MAP3K8: variants seen among roughly 807,000 people sequenced by gnomAD.
MAP3K8 encodes the protein mitogen-activated protein kinase kinase kinase 8.
In MAP3K8, 22 loss-of-function variants were observed where a neutral mutation model predicts 45.8. That is an observed-to-expected ratio of 0.48 (90% CI 0.34 to 0.69). The LOEUF (loss-of-function observed/expected upper bound fraction) is 0.69. MAP3K8 is among the 30% of genes least tolerant of loss of function. The probability of loss-of-function intolerance (pLI) is 0.01; values close to 1 mark genes in which losing one functional copy is unlikely to be tolerated. For synonymous variants in MAP3K8, 223 were observed against 214.3 expected (o/e 1.04, Z -0.36); for missense variants, 419 against 585.0 (o/e 0.72, Z 2.93).
intron 6 of MAP3K8, among the ~76,000 whole-genome samples, chr10:30,452,894 G>A (rs562881527): frequency 6.6e-6 from 1 of 151,498 alleles, no homozygotes; most frequent in South Asian, 2.1e-4. Context: ...GGCCAGGCTG[G>A]TCATGAACTG....
At position 30,442,131 on chromosome 10, in the gene MAP3K8, G is replaced by C. The variant is rs140531822; in HGVS notation, c.336+2857G>C. ...CGGGTGCTAGAGATAGTATGGAACA[G>C]TCTGTGCCTCTGGGAGCTTGCTGCC... On this transcript the variant is annotated intron_variant, in intron 3 of 8. Coordinates refer to ENST00000263056, the MANE Select transcript of MAP3K8 (RefSeq NM_005204.4). Among the ~76,000 whole-genome samples the C allele has an allele frequency of 6.2e-3, 940 of 152,360 alleles. 6 individuals carry two copies. The highest frequency in any genetic ancestry group is 8.3e-3 in the Non-Finnish European group (567 of 68,026).
At chr10:30,453,541 A>G (rs8177014) in intron 6 of MAP3K8, among the ~76,000 whole-genome samples, 1 of 152,178 alleles carries the variant, frequency 6.6e-6, no homozygotes, top group Non-Finnish European at 1.5e-5. Flanking sequence ...TGTATTTAAC[A>G]TTCACATCAT....
At chr10:30,435,304 G>A (rs1835876365) in intron 1 of MAP3K8, among the ~76,000 whole-genome samples, 1 of 152,136 alleles carries the variant, frequency 6.6e-6, no homozygotes, top group Admixed American at 6.5e-5. Flanking sequence ...TCCAGCTGAC[G>A]CCCCCAGCTC....
chr10:30,434,356 G>A lies in MAP3K8; in HGVS notation c.-277G>A, dbSNP rs1004478457. ...GGGCCGCGGCTGGAGCGCTCGGCCG[G>A]CGTGGGAGCGCCAAGGCCGCAGGTA... On this transcript the variant is annotated 5_prime_UTR_variant, in exon 1 of 9. Transcript: ENST00000263056. 2.7e-6 allele frequency: 2 copies of A among 741,428 alleles called. No homozygotes were observed. Among genetic ancestry groups the A allele is most frequent in the African/African-American group, 3.8e-5 (2 of 52,624 alleles). The allele number at this position is 741,428 out of a possible 1,614,324, so 45.9% of individuals were successfully genotyped here.
intron 4 of MAP3K8, among the ~76,000 whole-genome samples, chr10:30,448,188 T>G (rs1275299854): frequency 6.6e-6 from 1 of 152,064 alleles, no homozygotes; most frequent in Non-Finnish European, 1.5e-5. Context: ...TAAGTGCTGG[T>G]TTTTAAAGCA....
rs1298037607 is a variant in MAP3K8 at position 30,458,250 on chromosome 10, A to T, written c.1026+14A>T. On this transcript the variant is annotated intron_variant, in intron 7 of 8. Transcript: ENST00000263056. Reference sequence around the variant, plus strand: ...TACCTGTACATAGTAAGTGGGGTTCAACCAGGGCTGGGGGCGGCGGGGGGG... The same window carrying T: ...TACCTGTACATAGTAAGTGGGGTTCTACCAGGGCTGGGGGCGGCGGGGGGG... 8.2e-6 allele frequency: 6 copies of T among 728,636 alleles called. No individual in the cohort carries two copies. Among genetic ancestry groups the T allele is most frequent in the South Asian group, 7.1e-5 (4 of 56,502 alleles). 45.1% of individuals were successfully genotyped at this position (728,636 alleles called of 1,614,324 possible). A position where few individuals can be genotyped will look rare whatever the true frequency, so the allele number is the denominator to read the frequency against.
At chr10:30,436,698 TAA>T (rs1205873521) in intron 1 of MAP3K8, among the ~76,000 whole-genome samples, 15 of 141,862 alleles carry the variant, frequency 1.1e-4, no homozygotes, top group Admixed American at 3.5e-4. Context: ...ACTACTACTA[TAA>T]AAAAAAAAAA....
Position 30,434,353 on chromosome 10 carries a change from C to A in MAP3K8, c.-280C>A. The A allele has an allele frequency of 2.8e-6, 2 of 723,414 alleles. No individual in the cohort carries two copies. Among genetic ancestry groups the A allele is most frequent in the South Asian group, 6.2e-5 (1 of 16,200 alleles). 44.8% of individuals were successfully genotyped at this position (723,414 alleles called of 1,614,324 possible). ...GGGGGGCCGCGGCTGGAGCGCTCGG[C>A]CGGCGTGGGAGCGCCAAGGCCGCAG... On this transcript the variant is annotated 5_prime_UTR_variant, in exon 1 of 9. Coordinates refer to ENST00000263056, the MANE Select transcript of MAP3K8 (RefSeq NM_005204.4).
rs758755281 is a variant in MAP3K8, at chr10:30,458,276, G to T, written c.1026+40G>T. 2.9e-6 allele frequency: 4 copies of T among 1,358,804 alleles called. 1 individual carries two copies. Among genetic ancestry groups the T allele is most frequent in the Non-Finnish European group, 3.9e-6 (4 of 1,022,268 alleles). The allele number at this position is 1,358,804 out of a possible 1,614,324, so 84.2% of individuals were successfully genotyped here. ...ACCAGGGCTGGGGGCGGCGGGGGGG[G>T]GCGTTGAGTTATGCATCCCGCAGGC... On this transcript the variant is annotated intron_variant, in intron 7 of 8. Transcript: ENST00000263056.
intron 7 of MAP3K8, 32 bp downstream of exon 7, chr10:30,458,268 C>CGGGGGGGGGG: frequency 1.1e-5 from 5 of 439,400 alleles, no homozygotes; most frequent in African/African-American, 2.3e-5. Flanking sequence ...CTGGGGGCGG[C>CGGGGGGGGGG]GGGGGGGGGC....
chr10:30,455,520 A>G (rs1016137396), intron 6 of MAP3K8, among the ~76,000 whole-genome samples: 9 of 152,214 alleles, frequency 5.9e-5, no homozygotes, highest in Non-Finnish European at 1.0e-4. Context: ...TCCAGCATAT[A>G]CAGAATAGAC....
chr10:30,460,924 A>C lies in MAP3K8; in HGVS notation c.*88A>C. On this transcript the variant is annotated 3_prime_UTR_variant, in exon 9 of 9. Coordinates refer to ENST00000263056, the MANE Select transcript of MAP3K8 (RefSeq NM_005204.4). ...TCTACACAGGGGCCCTGTACAGTGA[A>C]TGGTGCCATTTTCGAAGGAGCAGTG... 4.7e-6 allele frequency: 7 copies of C among 1,499,068 alleles called. No individual in the cohort carries two copies. The highest frequency in any genetic ancestry group is 6.3e-6 in the Non-Finnish European group (7 of 1,119,722). The allele number at this position is 1,499,068 out of a possible 1,614,324, so 92.9% of individuals were successfully genotyped here.
intron 6 of MAP3K8, among the ~76,000 whole-genome samples, chr10:30,453,277 T>C (rs1836613599): frequency 2.0e-5 from 3 of 152,126 alleles, no homozygotes; most frequent in Admixed American, 2.0e-4. Context: ...GTGATATAAC[T>C]AATATCACTG....
chr10:30,436,870 ACCC>A (rs1000244406), intron 1 of MAP3K8, among the ~76,000 whole-genome samples: 2 of 151,252 alleles, frequency 1.3e-5, no homozygotes, highest in African/African-American at 4.9e-5. Context: ...GATCCTTTCA[ACCC>A]CTGAGGCCCT....
At chr10:30,448,652 C>T (rs1213992064) in intron 4 of MAP3K8, among the ~76,000 whole-genome samples, 4 of 151,958 alleles carry the variant, frequency 2.6e-5, no homozygotes, top group Non-Finnish European at 4.4e-5. Context: ...AGGCTGGTCT[C>T]GAACTCCTGA....
At position 30,460,720 on chromosome 10, in the gene MAP3K8, G is replaced by T; in HGVS notation, c.1288G>T (p.Gly430Ter). Residue 430 changes from glycine to a stop codon, truncating the protein, a stop_gained, in exon 9 of 9, where the codon GGA becomes TGA. Coordinates refer to ENST00000263056, the MANE Select transcript of MAP3K8 (RefSeq NM_005204.4). LOFTEE classifies it high-confidence loss of function. The part of the protein sequence containing the change: ...PENIADSSCT[G>*]STEESEMLKR... ...TTCCTTTTCAGATTCTTCGTGCACA[G>T]GAAGCACCGAGGAATCTGAGATGCT... 1 of 1,609,768 alleles carries T rather than the reference G, an allele frequency of 6.2e-7. No individual in the cohort carries two copies.
rs8177010 is a variant in MAP3K8 at position 30,451,318 on chromosome 10, G to A, written c.767-320G>A. Among the ~76,000 whole-genome samples the A allele has an allele frequency of 9.6e-3, 1,458 of 152,112 alleles. 25 individuals carry two copies. Among genetic ancestry groups the A allele is most frequent in the African/African-American group, 0.033 (1,374 of 41,496 alleles). On this transcript the variant is annotated intron_variant, in intron 5 of 8. Coordinates refer to ENST00000263056, the MANE Select transcript of MAP3K8 (RefSeq NM_005204.4). ...ACAACTTTCACTGGGAAAAAAGATG[G>A]GTATTTTACTTTTCTGTTTTAGAAA...
chr10:30,445,596 G>A (rs1836295309), intron 3 of MAP3K8, among the ~76,000 whole-genome samples: 1 of 152,076 alleles, frequency 6.6e-6, no homozygotes, highest in South Asian at 2.1e-4. Context: ...TGTGAGTAGG[G>A]TTCTGTCTAA....
At position 30,447,809 on chromosome 10, in the gene MAP3K8, CA is replaced by C; in HGVS notation, c.367del (p.Ile123Ter). 6.2e-7 allele frequency: 1 copy of C among 1,613,622 alleles called. No individual in the cohort carries two copies. The highest frequency in any genetic ancestry group is 8.5e-7 in the Non-Finnish European group (1 of 1,179,832). On this transcript the variant is annotated frameshift_variant, in exon 4 of 9. Coordinates refer to ENST00000263056, the MANE Select transcript of MAP3K8 (RefSeq NM_005204.4). LOFTEE classifies it high-confidence loss of function. Reference protein sequence around the residue: ...MVITPQNGRYQIDSDVLLIPW... With the variant: ...MVITPQNGRYXIDSDVLLIPW... ...CATCACTCCCCAAAATGGACGTTAC[CA>C]AATAGATTCCGATGTTCTCCTGATC...
Sources: gnomAD v4.1 joint callset for allele counts (sites outside exome capture counted in the v4.1 genomes callset) on GRCh38, gnomAD v4.1.1 for gene constraint, MANE v1.5 for transcripts, NCBI Gene and HGNC (gene_info 2026-07-23, HGNC 2026-07-21) for gene names.